The following MCUB variants were observed in gnomAD, a reference collection of about 807,000 sequenced individuals.
MCUB encodes mitochondrial calcium uniporter dominant negative subunit beta, also known as calcium uniporter regulatory subunit MCUb, mitochondrial.
In MCUB, 46 loss-of-function variants were observed where a neutral mutation model predicts 41.4. The ratio of observed to expected loss-of-function variants is 1.11; its 90% CI spans 0.88 to 1.42. MCUB has a LOEUF of 1.42. Ranked by LOEUF, MCUB falls within the 40% of genes most tolerant of loss-of-function variation. The probability of loss-of-function intolerance (pLI) is 0.00; values close to 1 mark genes in which losing one functional copy is unlikely to be tolerated. For missense variants in MCUB, 403 were observed against 404.9 expected, an observed-to-expected ratio of 1.00 and a Z score of 0.04; for synonymous variants, 148 against 148.2, an observed-to-expected ratio of 1.00 and a Z score of 0.01.
At chr4:109,589,064 G>A (rs1318296660) in intron 1 of MCUB, among the ~76,000 whole-genome samples, 1 of 152,192 alleles carries the variant, frequency 6.6e-6, no homozygotes, top group Non-Finnish European at 1.5e-5. Context: ...AATATATTGT[G>A]CTTTTTGAAA....
chr4:109,647,999 G>C (rs1412796218), intron 1 of MCUB, among the ~76,000 whole-genome samples: 3 of 152,060 alleles, frequency 2.0e-5, no homozygotes, highest in African/African-American at 7.2e-5. Context: ...AAAAGTACTA[G>C]GTATTTCCAT....
intron 1 of MCUB, among the ~76,000 whole-genome samples, chr4:109,595,859 C>G (rs1727543650): frequency 6.6e-6 from 1 of 151,862 alleles, no homozygotes. Context: ...TCAGAGGGAG[C>G]CCTGTTTGTC....
chr4:109,564,991 CAA>C (rs1456361058), intron 1 of MCUB, among the ~76,000 whole-genome samples: 1 of 152,108 alleles, frequency 6.6e-6, no homozygotes, highest in African/African-American at 2.4e-5. Context: ...GGCAAAGCAG[CAA>C]AAAGACAAAG....
chr4:109,601,108 T>TA (rs70954169), intron 1 of MCUB, among the ~76,000 whole-genome samples: 166 of 151,860 alleles, frequency 1.1e-3, no homozygotes, highest in African/African-American at 3.8e-3. Flanking sequence ...TATCTTTTTT[T>TA]AAAAAAAAGT....
chr4:109,589,371 G>T (rs932808973), intron 1 of MCUB, among the ~76,000 whole-genome samples: 1 of 152,090 alleles, frequency 6.6e-6, no homozygotes, highest in African/African-American at 2.4e-5. Context: ...AACTTTCCAG[G>T]GAGTTTACTG....
intron 1 of MCUB, among the ~76,000 whole-genome samples, chr4:109,640,221 T>G (rs1403587604): frequency 6.6e-6 from 1 of 152,214 alleles, no homozygotes; most frequent in Non-Finnish European, 1.5e-5. Flanking sequence ...TGTATTGTCA[T>G]AAGGTCAGTT....
chr4:109,656,815 A>G (rs940729702), intron 1 of MCUB, among the ~76,000 whole-genome samples: 7 of 152,208 alleles, frequency 4.6e-5, no homozygotes, highest in South Asian at 2.1e-4. Flanking sequence ...TGTAATATCC[A>G]TTATCCACAC....
intron 1 of MCUB, 58 bp from the exon 2 acceptor site, chr4:109,658,953 T>A: frequency 2.2e-6 from 2 of 923,500 alleles, no homozygotes; most frequent in East Asian, 5.2e-5. Flanking sequence ...ATAAAGACAC[T>A]TATTTCATCT....
At chr4:109,612,647 T>C (rs1402031503) in intron 1 of MCUB, among the ~76,000 whole-genome samples, 1 of 152,134 alleles carries the variant, frequency 6.6e-6, no homozygotes, top group Admixed American at 6.5e-5. Flanking sequence ...TTTCAAAGGC[T>C]CAATCTCCTG....
At chr4:109,623,281 A>G (rs1352620156) in intron 1 of MCUB, among the ~76,000 whole-genome samples, 1 of 152,220 alleles carries the variant, frequency 6.6e-6, no homozygotes, top group Non-Finnish European at 1.5e-5. Flanking sequence ...AAGACCAGAT[A>G]TCGAAGGGCA....
chr4:109,631,991 G>C (rs1365403122), intron 1 of MCUB, among the ~76,000 whole-genome samples: 1 of 152,012 alleles, frequency 6.6e-6, no homozygotes, highest in African/African-American at 2.4e-5. Flanking sequence ...CCCACCTCTG[G>C]CTCTTTGGCG....
At chr4:109,687,406 C>G in intron 7 of MCUB, 109 bp from the exon 8 acceptor site, 1 of 707,536 alleles carries the variant, frequency 1.4e-6, no homozygotes. Flanking sequence ...ATAGTTTAAA[C>G]ATTTTATTGC....
chr4:109,564,082 A>G (rs929841920), intron 1 of MCUB, among the ~76,000 whole-genome samples: 4 of 152,016 alleles, frequency 2.6e-5, no homozygotes, highest in Non-Finnish European at 5.9e-5. Context: ...ATGAGATTCA[A>G]TGTTTTATGT....
chr4:109,578,244 C>G (rs1312343284), intron 1 of MCUB, among the ~76,000 whole-genome samples: 1 of 152,084 alleles, frequency 6.6e-6, no homozygotes, highest in African/African-American at 2.4e-5. Flanking sequence ...GCTCATAAAC[C>G]AATATATGGG....
At chr4:109,658,300 C>T (rs1374641001) in intron 1 of MCUB, among the ~76,000 whole-genome samples, 1 of 151,364 alleles carries the variant, frequency 6.6e-6, no homozygotes, top group African/African-American at 2.4e-5. Flanking sequence ...TGTGATTCTG[C>T]ATTTTTTTTT....
At chr4:109,562,244 G>C (rs746069713) in intron 1 of MCUB, among the ~76,000 whole-genome samples, 9 of 152,040 alleles carry the variant, frequency 5.9e-5, no homozygotes, top group South Asian at 2.1e-4. Flanking sequence ...GGTACCATCG[G>C]GCTTATTAGG....
intron 1 of MCUB, among the ~76,000 whole-genome samples, chr4:109,575,707 C>T (rs945589661): frequency 1.8e-4 from 28 of 152,162 alleles, no homozygotes; most frequent in Admixed American, 1.8e-3. Context: ...GTATCTTTCA[C>T]ACTAAATTAG....
intron 1 of MCUB, among the ~76,000 whole-genome samples, chr4:109,618,952 T>TTC (rs10557098): frequency 0.088 from 11,182 of 127,594 alleles, 605 homozygotes; most frequent in African/African-American, 0.15. Context: ...AACATTAAAC[T>TTC]TCTCTCTCTC....
In MCUB at chr4:109,682,759, G is replaced by A; in HGVS notation, c.612+17G>A. On this transcript the variant is annotated intron_variant, in intron 5 of 7. Coordinates refer to ENST00000394650, the MANE Select transcript of MCUB (RefSeq NM_017918.5). ...CTTGAACAGGTTAGGAAGCATCACGGTTGAGTATATTTGAAAATAATACCT... is the reference window on the plus strand; with the variant it reads ...CTTGAACAGGTTAGGAAGCATCACGATTGAGTATATTTGAAAATAATACCT... 2 of 1,591,226 alleles carry A rather than the reference G, an allele frequency of 1.3e-6. No individual in the cohort carries two copies. Among genetic ancestry groups the A allele is most frequent in the Non-Finnish European group, 1.7e-6 (2 of 1,169,536 alleles).
Sources: gnomAD v4.1 joint callset for allele counts (sites outside exome capture counted in the v4.1 genomes callset) on GRCh38, gnomAD v4.1.1 for gene constraint, MANE v1.5 for transcripts, NCBI Gene and HGNC (gene_info 2026-07-23, HGNC 2026-07-21) for gene names.